TTC23: variants seen among roughly 807,000 people sequenced by gnomAD.
The protein encoded by TTC23 is tetratricopeptide repeat protein 23.
A neutral mutation model predicts 55.1 loss-of-function variants in TTC23; 58 were observed. That is an observed-to-expected ratio of 1.05 (90% CI 0.85 to 1.31). The LOEUF is 1.31. Among genes scored for constraint, TTC23 ranks in the 50% most tolerant of loss-of-function variants. The pLI, the probability that TTC23 is intolerant of heterozygous loss-of-function variation, is 0.00. For missense variants in TTC23, 516 were observed against 534.4 expected, an observed-to-expected ratio of 0.97 and a Z score of 0.34; for synonymous variants, 203 against 199.9, an observed-to-expected ratio of 1.02 and a Z score of -0.13.
chr15:99,138,615 T>A (rs12915572), intron 13 of TTC23, among the ~76,000 whole-genome samples: 1 of 152,106 alleles, frequency 6.6e-6, no homozygotes, highest in African/African-American at 2.4e-5. Context: ...GCCTGGCCCC[T>A]CCCATCTTTT....
At chr15:99,166,524 G>C (rs1024430617) in intron 10 of TTC23, among the ~76,000 whole-genome samples, 1 of 152,190 alleles carries the variant, frequency 6.6e-6, no homozygotes, top group African/African-American at 2.4e-5. Context: ...ACGGGTGTGA[G>C]GGAGGAAGGA....
chr15:99,219,131 A>T (rs766761823), intron 6 of TTC23, 83 bp from the exon 7 acceptor site: 141 of 1,487,478 alleles, frequency 9.5e-5, no homozygotes, highest in Non-Finnish European at 1.2e-4. Flanking sequence ...TGGGAATCTA[A>T]CAAGGTCTCC....
chr15:99,219,235 A>C (rs1197920517), intron 6 of TTC23, among the ~76,000 whole-genome samples, 187 bp from the exon 7 acceptor site: 3 of 152,244 alleles, frequency 2.0e-5, no homozygotes, highest in Admixed American at 6.5e-5. Context: ...TATACCAAGT[A>C]CCCAAGATAA....
intron 8 of TTC23, among the ~76,000 whole-genome samples, chr15:99,217,962 C>T (rs556109811): frequency 5.9e-5 from 9 of 152,356 alleles, no homozygotes; most frequent in Non-Finnish European, 8.8e-5. Flanking sequence ...TCTTCCAACA[C>T]AGACCTTTCT....
chr15:99,195,288 C>T (rs528261977), intron 9 of TTC23, among the ~76,000 whole-genome samples: 37 of 152,252 alleles, frequency 2.4e-4, no homozygotes, highest in African/African-American at 8.7e-4. Flanking sequence ...TGACACCTCA[C>T]CAAAGAAGAT....
chr15:99,152,777 A>T (rs1468446457), intron 12 of TTC23, among the ~76,000 whole-genome samples: 4 of 151,998 alleles, frequency 2.6e-5, no homozygotes, highest in African/African-American at 7.2e-5. Flanking sequence ...ACATGGTGCC[A>T]CCGGTGTAAC....
chr15:99,149,272 G>A (rs1477177629), intron 12 of TTC23, among the ~76,000 whole-genome samples: 5 of 152,182 alleles, frequency 3.3e-5, no homozygotes, highest in Admixed American at 6.5e-5. Flanking sequence ...AGAACTGCAC[G>A]CACCACAGTG....
chr15:99,145,823 A>G (rs899254557), intron 12 of TTC23, among the ~76,000 whole-genome samples: 1 of 152,086 alleles, frequency 6.6e-6, no homozygotes, highest in Non-Finnish European at 1.5e-5. Context: ...AGAGAAACAC[A>G]GGGAAGGTGG....
At chr15:99,236,071 C>G (rs560460591) in intron 3 of TTC23, among the ~76,000 whole-genome samples, 2 of 152,274 alleles carry the variant, frequency 1.3e-5, no homozygotes, top group East Asian at 3.9e-4. Context: ...CACCTTTTAG[C>G]TATTGTGAAT....
intron 5 of TTC23, among the ~76,000 whole-genome samples, chr15:99,222,640 TGG>T (rs2078042879): frequency 6.6e-6 from 1 of 152,176 alleles, no homozygotes. Flanking sequence ...AACAGAAAAC[TGG>T]ATTCCCAGCT....
At chr15:99,200,383 A>C (rs544406154) in intron 8 of TTC23, among the ~76,000 whole-genome samples, 1 of 152,342 alleles carries the variant, frequency 6.6e-6, no homozygotes, top group South Asian at 2.1e-4. Context: ...CCCACACTTC[A>C]TTGGGTTATT....
chr15:99,197,016 A>G (rs992571026), intron 9 of TTC23, among the ~76,000 whole-genome samples: 1 of 151,946 alleles, frequency 6.6e-6, no homozygotes, highest in Non-Finnish European at 1.5e-5. Flanking sequence ...CTTCCCCCAA[A>G]AGCATCTCAG....
chr15:99,219,625 A>T (rs1288593703), intron 6 of TTC23, among the ~76,000 whole-genome samples: 1 of 152,150 alleles, frequency 6.6e-6, no homozygotes, highest in African/African-American at 2.4e-5. Context: ...TATGAAACAA[A>T]GTGGAGCAAA....
At chr15:99,245,237 C>A in intron 2 of TTC23, among the ~76,000 whole-genome samples, 152 bp downstream of exon 2, 1 of 152,102 alleles carries the variant, frequency 6.6e-6, no homozygotes, top group East Asian at 1.9e-4. Context: ...AGAGGCCGGG[C>A]GTGGTGGCTC....
At chr15:99,207,172 T>C (rs2076691304) in intron 8 of TTC23, among the ~76,000 whole-genome samples, 1 of 152,124 alleles carries the variant, frequency 6.6e-6, no homozygotes, top group African/African-American at 2.4e-5. Flanking sequence ...TTCTAATATA[T>C]ACACAAATAA....
At chr15:99,160,632 C>T (rs1349566985) in intron 11 of TTC23, 1 of 152,094 alleles carries the variant, frequency 6.6e-6, no homozygotes, top group Non-Finnish European at 1.5e-5. Flanking sequence ...TACTGAGGAA[C>T]AACTATATAT....
intron 7 of TTC23, 47 bp downstream of exon 7, chr15:99,218,851 T>C (rs897171665): frequency 1.8e-5 from 29 of 1,600,822 alleles, no homozygotes; most frequent in Non-Finnish European, 2.2e-5. Context: ...GTGTAAGTGT[T>C]ACGTGAATAG....
intron 9 of TTC23, among the ~76,000 whole-genome samples, chr15:99,194,914 C>A (rs2075573514): frequency 1.3e-5 from 2 of 152,164 alleles, no homozygotes; most frequent in South Asian, 4.1e-4. Context: ...GCCTGGGCAA[C>A]AAGAGCAAAA....
rs60982130 is a variant in TTC23, at chr15:99,208,980, C to A, written c.582-8884G>T. ...TTGGTAGCTTAAGAAATACACTAGA[C>A]AGATGAAAAGACAGAAAATTTTGAA... On this transcript the variant is annotated intron_variant, in intron 8 of 13. Coordinates refer to ENST00000394132, the MANE Select transcript of TTC23 (RefSeq NM_001288615.3). Among the ~76,000 whole-genome samples the A allele has an allele frequency of 9.5e-3, 1,448 of 152,222 alleles. 27 individuals are homozygous for A. The highest frequency in any genetic ancestry group is 0.033 in the African/African-American group (1,379 of 41,518).
Sources: gnomAD v4.1 joint callset for allele counts (sites outside exome capture counted in the v4.1 genomes callset) on GRCh38, gnomAD v4.1.1 for gene constraint, MANE v1.5 for transcripts, NCBI Gene and HGNC (gene_info 2026-07-23, HGNC 2026-07-21) for gene names.